Variants in PCDHGA12 observed in about 807,000 individuals in gnomAD.
PCDHGA12 encodes protocadherin gamma subfamily A, 12.
PCDHGA12 carries 43 observed loss-of-function variants against 61.1 expected under a neutral mutation model. The observed-to-expected ratio is 0.70, with a 90% confidence interval of 0.55 to 0.91. PCDHGA12 has a LOEUF of 0.91. Among genes scored for constraint, PCDHGA12 ranks in the 40% least tolerant of loss-of-function variants. The pLI is 0.00. For synonymous variants in PCDHGA12, 520 were observed against 542.9 expected, an observed-to-expected ratio of 0.96 and a Z score of 0.59; for missense variants, 1,236 against 1,227.7, an observed-to-expected ratio of 1.01 and a Z score of -0.10.
chr5:141,437,762 A>G (rs1286042187), intron 1 of PCDHGA12, among the ~76,000 whole-genome samples: 1 of 149,476 alleles, frequency 6.7e-6, no homozygotes, highest in African/African-American at 2.5e-5. Context: ...TTTTTGAGAC[A>G]GAGTCTCAAT....
intron 1 of PCDHGA12, among the ~76,000 whole-genome samples, chr5:141,437,741 C>CTTT (rs35124340): frequency 4.2e-5 from 6 of 141,750 alleles, no homozygotes; most frequent in Admixed American, 7.0e-5. Flanking sequence ...TTGAGTTCAC[C>CTTT]TTTTTTTTTT....
rs1433429634 is a variant in PCDHGA12 at position 141,486,311 on chromosome 5, G to T, written c.2425-8496G>T. 1.2e-6 allele frequency: 2 copies of T among 1,613,956 alleles called. No homozygotes were observed. Among genetic ancestry groups the T allele is most frequent in the African/African-American group, 2.7e-5 (2 of 74,892 alleles). On this transcript the variant is annotated intron_variant, in intron 1 of 3. Transcript: ENST00000252085. The surrounding 1 kb of genome is among the most constrained non-coding windows in gnomAD (Gnocchi z 5.0). The stretch of plus-strand genomic sequence containing the variant: ...TATCAGTGTGCAGGATCCAGACTCA[G>T]GGTCAAACGGAGATGTGAGCCTCCG...
Position 141,476,129 on chromosome 5 carries a change from G to A in PCDHGA12, c.2425-18678G>A. ...GCTTTTGAGTGAGATGGTCCCAGAG[G>A]CCTGGAGGAGCGGACTGGTAAGCAC... On this transcript the variant is annotated intron_variant, in intron 1 of 3. Transcript: ENST00000252085. This position sits in a 1 kb window ranked among gnomAD's most constrained non-coding sequence, Gnocchi z 7.6. The A allele has an allele frequency of 6.2e-7, 1 of 1,606,848 alleles. No homozygotes were observed. The highest frequency in any genetic ancestry group is 8.5e-7 in the Non-Finnish European group (1 of 1,177,814).
Position 141,493,858 on chromosome 5 carries a change from C to A in PCDHGA12, c.2425-949C>A, listed in dbSNP as rs2099750481. Among the ~76,000 whole-genome samples, 1 of 152,184 alleles carries A rather than the reference C, an allele frequency of 6.6e-6. No homozygotes were observed. The highest frequency in any genetic ancestry group is 1.5e-5 in the Non-Finnish European group (1 of 68,030). On this transcript the variant is annotated intron_variant, in intron 1 of 3. Transcript: ENST00000252085. The surrounding 1 kb of genome is among the most constrained non-coding windows in gnomAD (Gnocchi z 4.3). ...AGTATGAGTATTAATTACCAGCCCA[C>A]CCCAGAACCAGTGAGGAGGTGGCTC...
intron 1 of PCDHGA12, chr5:141,440,130 A>G (rs1222064545): frequency 6.6e-6 from 1 of 152,282 alleles, no homozygotes; most frequent in African/African-American, 2.4e-5. Context: ...TGAATGGATC[A>G]GGAGCAGATA....
Position 141,431,645 on chromosome 5 carries a change from T to C in PCDHGA12, c.886T>C (p.Cys296Arg). ...GGCGGCCCAAGTTTTCAAACTAGAT[T>C]GTAATTCAGGGACAATATCAACAAT... is the stretch of plus-strand genomic sequence containing the variant. The part of the protein sequence containing the change: ...DKAAQVFKLD[C>R]NSGTISTIGE... The change falls in exon 1 of 4, where the codon TGT (cysteine) becomes CGT (arginine). Residue 296 changes from cysteine to arginine, a missense_variant. Physicochemically the swap from Cys to Arg is radical, Grantham distance 180 (BLOSUM62 -3). Coordinates refer to ENST00000252085, the MANE Select transcript of PCDHGA12 (RefSeq NM_003735.3). This position sits in a 1 kb window ranked among gnomAD's most constrained non-coding sequence, Gnocchi z 4.8. 6.2e-7 allele frequency: 1 copy of C among 1,614,236 alleles called. No individual in the cohort carries two copies.
At chr5:141,472,017 T>C (rs2154571143) in intron 1 of PCDHGA12, among the ~76,000 whole-genome samples, 1 of 152,290 alleles carries the variant, frequency 6.6e-6, no homozygotes, top group South Asian at 2.1e-4. Context: ...GGGCACTATA[T>C]TGTATGTAGA....
At chr5:141,438,591 C>CATATATATAT (rs946798767) in intron 1 of PCDHGA12, among the ~76,000 whole-genome samples, 17 of 75,552 alleles carry the variant, frequency 2.3e-4, no homozygotes, top group Non-Finnish European at 3.8e-4. Context: ...TACATACATA[C>CATATATATAT]ATATATATAT....
At chr5:141,479,866 A>G (rs1020197891) in intron 1 of PCDHGA12, among the ~76,000 whole-genome samples, 2 of 152,204 alleles carry the variant, frequency 1.3e-5, no homozygotes, top group African/African-American at 2.4e-5. Context: ...TTTGCCCTGG[A>G]GAGAACCCTA....
intron 1 of PCDHGA12, among the ~76,000 whole-genome samples, chr5:141,483,007 C>T (rs938404755): frequency 1.3e-5 from 2 of 152,022 alleles, no homozygotes; most frequent in Non-Finnish European, 2.9e-5. Flanking sequence ...ATTGCTTGAA[C>T]CCGGGAGGCA....
Position 141,495,452 on chromosome 5 carries a change from CTCTG to C in PCDHGA12, c.2483+593_2483+596del, listed in dbSNP as rs550877100. ...GTCCTCTGCCCCTACTTGTCCTGCTCTCTGTCTGTGGGGTCTCCGTGTCTCTGCC... is the reference window on the plus strand; with the variant it reads ...GTCCTCTGCCCCTACTTGTCCTGCTCTCTGTGGGGTCTCCGTGTCTCTGCC... On this transcript the variant is annotated intron_variant, in intron 2 of 3. Coordinates refer to ENST00000252085, the MANE Select transcript of PCDHGA12 (RefSeq NM_003735.3). 5.6e-4 allele frequency among the ~76,000 whole-genome samples: 85 copies of C among 152,356 alleles called. 1 individual carries two copies. Among genetic ancestry groups the C allele is most frequent in the Admixed American group, 3.5e-3 (53 of 15,310 alleles).
chr5:141,454,281 A>C (rs1048947689), intron 1 of PCDHGA12, among the ~76,000 whole-genome samples: 2 of 152,242 alleles, frequency 1.3e-5, no homozygotes, highest in African/African-American at 4.8e-5. Context: ...AAAACTTCAC[A>C]TTAAAGGAAC....
intron 1 of PCDHGA12, among the ~76,000 whole-genome samples, chr5:141,435,946 A>C (rs953432473): frequency 6.6e-6 from 1 of 152,174 alleles, no homozygotes; most frequent in Non-Finnish European, 1.5e-5. Flanking sequence ...CTGAGACCAA[A>C]AAAGGGGGCA....
intron 1 of PCDHGA12, among the ~76,000 whole-genome samples, chr5:141,456,917 C>G (rs1005360691): frequency 2.6e-5 from 4 of 152,032 alleles, no homozygotes; most frequent in Non-Finnish European, 5.9e-5. Context: ...GAGCCGAGAT[C>G]GCACCACTGC....
intron 3 of PCDHGA12, chr5:141,507,424 G>C (rs577364087): frequency 6.6e-6 from 1 of 152,202 alleles, no homozygotes; most frequent in African/African-American, 2.4e-5. Context: ...GGTTAAGTGG[G>C]GCCAGGCCTA....
At chr5:141,508,151 C>T (rs1306467936) in intron 3 of PCDHGA12, 1 of 152,548 alleles carries the variant, frequency 6.6e-6, no homozygotes, top group Admixed American at 6.5e-5. Flanking sequence ...GGCTGAGTTT[C>T]CCTGAGTAGA....
intron 1 of PCDHGA12, among the ~76,000 whole-genome samples, chr5:141,466,724 A>G (rs2099128017): frequency 6.6e-6 from 1 of 152,148 alleles, no homozygotes. Flanking sequence ...TTTCCATTTT[A>G]GCAGAATTCA....
At chr5:141,484,437 T>C (rs2099596528) in intron 1 of PCDHGA12, among the ~76,000 whole-genome samples, 1 of 152,232 alleles carries the variant, frequency 6.6e-6, no homozygotes, top group African/African-American at 2.4e-5. Context: ...ATGTACTGCA[T>C]AAATTTAATT....
In PCDHGA12 at chr5:141,477,531, C is replaced by T. The variant is rs1316982512; in HGVS notation, c.2425-17276C>T. 5 of 1,614,162 alleles carry T rather than the reference C, an allele frequency of 3.1e-6. No homozygotes were observed. Among genetic ancestry groups the T allele is most frequent in the Middle Eastern group, 1.6e-4 (1 of 6,062 alleles). On this transcript the variant is annotated intron_variant, in intron 1 of 3. Transcript: ENST00000252085. This position sits in a 1 kb window ranked among gnomAD's most constrained non-coding sequence, Gnocchi z 4.9. ...GTTTACATTGAAGAAAACAACCTCC[C>T]CGGGGCTCCAATACTAAACCTAAGT... is the stretch of plus-strand genomic sequence containing the variant.
Sources: allele counts gnomAD v4.1 joint callset (sites outside exome capture counted in the v4.1 genomes callset), GRCh38; gene constraint gnomAD v4.1.1; non-coding constraint Gnocchi (gnomAD v3.1); transcripts MANE v1.5; gene names NCBI Gene and HGNC (gene_info 2026-07-23, HGNC 2026-07-21).